IQCB1: variants seen among roughly 807,000 people sequenced by gnomAD.
IQCB1 encodes IQ calmodulin-binding motif-containing protein 1.
Under a neutral mutation model 84.4 loss-of-function variants are expected in IQCB1, and 56 were observed. The observed-to-expected ratio is 0.66, with a 90% confidence interval of 0.54 to 0.83. The LOEUF (loss-of-function observed/expected upper bound fraction) is 0.83. IQCB1 is among the 40% of genes least tolerant of loss of function. IQCB1 has a pLI of 0.00. For synonymous variants in IQCB1, 210 were observed against 234.8 expected (o/e 0.89, Z 0.96); for missense variants, 629 against 682.1 (o/e 0.92, Z 0.87).
chr3:121,779,517 C>T (rs1359630930), intron 13 of IQCB1, among the ~76,000 whole-genome samples: 1 of 151,980 alleles, frequency 6.6e-6, no homozygotes, highest in African/African-American at 2.4e-5. Context: ...CATCTTTCTA[C>T]TTGACTTTTT....
intron 5 of IQCB1, among the ~76,000 whole-genome samples, chr3:121,816,678 G>A (rs149626332): frequency 2.6e-5 from 4 of 152,230 alleles, no homozygotes; most frequent in African/African-American, 9.6e-5. Flanking sequence ...ATCATTACTG[G>A]TCACTAGAGA....
chr3:121,778,324 G>C (rs550896810), intron 13 of IQCB1, among the ~76,000 whole-genome samples: 1 of 151,844 alleles, frequency 6.6e-6, no homozygotes, highest in Non-Finnish European at 1.5e-5. Context: ...CATTCTATAG[G>C]CTGTTTACTG....
intron 13 of IQCB1, among the ~76,000 whole-genome samples, chr3:121,778,535 T>G (rs1948332590): frequency 6.6e-6 from 1 of 150,532 alleles, no homozygotes; most frequent in South Asian, 2.1e-4. Context: ...GAAAAAGTCT[T>G]TTTTTTTTTA....
chr3:121,833,634 A>G (rs1395018861), intron 2 of IQCB1, among the ~76,000 whole-genome samples: 1 of 150,372 alleles, frequency 6.7e-6, no homozygotes, highest in Non-Finnish European at 1.5e-5. Context: ...GTACATGTGT[A>G]CACACACACA....
chr3:121,832,273 CCTT>C lies in IQCB1; in HGVS notation c.-13+2115_-13+2117del, dbSNP rs144831861. ...TTTTATATTGGCTGTAAAATTTTCT[CCTT>C]GTCATTTATTTTTTTAAATTTGACT... On this transcript the variant is annotated intron_variant, in intron 2 of 14. Transcript: ENST00000310864. Among the ~76,000 whole-genome samples, 17 of 150,994 alleles carry C rather than the reference CCTT, an allele frequency of 1.1e-4. 1 individual carries two copies. The East Asian group carries it at 3.1e-3, about 27-fold the overall frequency.
intron 5 of IQCB1, among the ~76,000 whole-genome samples, chr3:121,816,277 G>C: frequency 6.6e-6 from 1 of 152,136 alleles, no homozygotes; most frequent in East Asian, 1.9e-4. Context: ...ACTCAAGATG[G>C]ATTAAAGACT....
At chr3:121,832,750 T>C (rs963720426) in intron 2 of IQCB1, among the ~76,000 whole-genome samples, 1 of 152,214 alleles carries the variant, frequency 6.6e-6, no homozygotes, top group Non-Finnish European at 1.5e-5. Context: ...AATCTTCATG[T>C]TTTTTTGGTT....
At chr3:121,826,296 T>C in intron 4 of IQCB1, 116 bp from the exon 5 acceptor site, 1 of 1,025,028 alleles carries the variant, frequency 9.8e-7, no homozygotes, top group Non-Finnish European at 1.5e-6. Context: ...ACCAAGACAA[T>C]AAAGAATTTT....
intron 1 of IQCB1, 53 bp downstream of exon 1, chr3:121,834,912 TG>T: frequency 3.1e-6 from 1 of 326,474 alleles, no homozygotes; most frequent in Non-Finnish European, 5.8e-6. Context: ...CCTGGCCTCC[TG>T]GTAGGCGCCC....
chr3:121,798,615 A>G (rs1273326962), intron 8 of IQCB1, among the ~76,000 whole-genome samples: 1 of 151,954 alleles, frequency 6.6e-6, no homozygotes, highest in Non-Finnish European at 1.5e-5. Context: ...TAATGCATAT[A>G]AAGTATATGG....
At chr3:121,783,954 T>C (rs1948607451) in intron 12 of IQCB1, among the ~76,000 whole-genome samples, 1 of 152,234 alleles carries the variant, frequency 6.6e-6, no homozygotes, top group Admixed American at 6.5e-5. Context: ...TAGCTTCCAA[T>C]GTTCCTGTCA....
chr3:121,811,888 C>T (rs1482391651), intron 5 of IQCB1, among the ~76,000 whole-genome samples: 1 of 152,150 alleles, frequency 6.6e-6, no homozygotes, highest in Non-Finnish European at 1.5e-5. Flanking sequence ...CTGAAGAGAG[C>T]GGCGCATCTC....
Position 121,807,400 on chromosome 3 carries a change from A to T in IQCB1, c.531T>A (p.Asn177Lys). Residue 177 changes from asparagine to lysine, a missense_variant, in exon 7 of 15, where the codon AAT (asparagine) becomes AAA (lysine). Asn to Lys is a moderately conservative substitution (Grantham distance 94). Coordinates refer to ENST00000310864, the MANE Select transcript of IQCB1 (RefSeq NM_001023570.4). ...DHFLHLLQAD[N>K]VQIGSAVMMM... Reference sequence around the variant, plus strand: ...TCATGACTGCAGATCCTATTTGGACATTGTCAGCTTGCAGTAAATGTAAGA... The same window carrying T: ...TCATGACTGCAGATCCTATTTGGACTTTGTCAGCTTGCAGTAAATGTAAGA... The T allele has an allele frequency of 6.3e-7, 1 of 1,580,516 alleles. No individual in the cohort carries two copies. Among genetic ancestry groups the T allele is most frequent in the Non-Finnish European group, 8.7e-7 (1 of 1,150,014 alleles).
At position 121,770,493 on chromosome 3, in the gene IQCB1, T is replaced by C. The variant is rs1947925515; in HGVS notation, c.1649A>G (p.Lys550Arg). 1.9e-6 allele frequency: 3 copies of C among 1,614,106 alleles called. No individual in the cohort carries two copies. The highest frequency in any genetic ancestry group is 2.7e-5 in the African/African-American group (2 of 74,950). ...CTTCAGGGTTGTGAGATGGGCCTGC[T>C]TGGCCTTGGCTGCCACAGGCCTGGA... Reference protein sequence around the residue: ...SRSRPVAAKAKQAHLTTLKHI... With the variant: ...SRSRPVAAKARQAHLTTLKHI... Residue 550 changes from lysine (K) to arginine (R), a missense_variant, in exon 15 of 15, where the codon AAG becomes AGG. Transcript: ENST00000310864.
At chr3:121,823,493 A>G (rs1351463030) in intron 5 of IQCB1, among the ~76,000 whole-genome samples, 1 of 152,216 alleles carries the variant, frequency 6.6e-6, no homozygotes, top group Non-Finnish European at 1.5e-5. Context: ...GAGAATGACA[A>G]GAAGAATGAA....
At chr3:121,828,340 A>C (rs1576619692) in intron 4 of IQCB1, 130 bp downstream of exon 4, 2 of 770,406 alleles carry the variant, frequency 2.6e-6, no homozygotes, top group Non-Finnish European at 4.5e-6. Context: ...AATATGAAGG[A>C]AAAGTACAAC....
At chr3:121,779,175 C>G (rs1948373360) in intron 13 of IQCB1, among the ~76,000 whole-genome samples, 1 of 151,694 alleles carries the variant, frequency 6.6e-6, no homozygotes, top group South Asian at 2.1e-4. Flanking sequence ...TTTCCATGTA[C>G]CTTAACTGGT....
At chr3:121,806,925 T>A (rs970237963) in intron 7 of IQCB1, among the ~76,000 whole-genome samples, 1 of 152,024 alleles carries the variant, frequency 6.6e-6, no homozygotes, top group Non-Finnish European at 1.5e-5. Context: ...TTTTATACCC[T>A]TCTTGAGCAT....
intron 8 of IQCB1, 104 bp from the exon 9 acceptor site, chr3:121,797,331 A>C: frequency 1.7e-6 from 1 of 578,836 alleles, no homozygotes; most frequent in Non-Finnish European, 3.0e-6. Context: ...GCTTAAAAAC[A>C]AATGAAAACA....
Sources: allele counts gnomAD v4.1 joint callset (sites outside exome capture counted in the v4.1 genomes callset), GRCh38; gene constraint gnomAD v4.1.1; transcripts MANE v1.5; gene names NCBI Gene and HGNC (gene_info 2026-07-23, HGNC 2026-07-21).